Variants in DOP1A observed in about 807,000 individuals in gnomAD.
The protein encoded by DOP1A is DOP1 leucine zipper like protein A, also known as protein DOP1A.
DOP1A carries 90 observed loss-of-function variants against 267.6 expected under a neutral mutation model. The ratio of observed to expected loss-of-function variants is 0.34; its 90% confidence interval spans 0.28 to 0.40. The LOEUF is 0.40. Ranked by LOEUF, DOP1A falls within the 10% of genes least tolerant of loss-of-function variation. DOP1A has a pLI of 1.00. For missense variants in DOP1A, 2,437 were observed against 2,900.4 expected, an observed-to-expected ratio of 0.84 and a Z score of 3.67; for synonymous variants, 932 against 999.1, an observed-to-expected ratio of 0.93 and a Z score of 1.27.
At position 83,125,514 on chromosome 6, in the gene DOP1A, A is replaced by G. The variant is rs1357099316; in HGVS notation, c.1500A>G (p.Glu500=). The change falls in exon 15 of 39, where the codon GAA becomes GAG. Residue 500 remains glutamate, a synonymous_variant. Transcript: ENST00000349129. ...TTTATTTTCAGGAGACTTACATTGA[A>G]ATCCAGACAGAACACTTGCCCCAGT... ...MRVLCQETYI[E]IQTEHLPQLL... is the part of the protein sequence containing the mutation. 2 of 1,613,602 alleles carry G rather than the reference A, an allele frequency of 1.2e-6. No homozygotes were observed. Among genetic ancestry groups the G allele is most frequent in the Admixed American group, 3.3e-5 (2 of 59,984 alleles).
In DOP1A at chr6:83,084,338, G is replaced by A. The variant is rs570660743; in HGVS notation, c.-146-12393G>A. 1.4e-4 allele frequency among the ~76,000 whole-genome samples: 21 copies of A among 151,944 alleles called. No individual in the cohort carries two copies. The East Asian group carries it at 3.1e-3, about 22-fold the overall frequency. On this transcript the variant is annotated intron_variant, in intron 1 of 38. Coordinates refer to ENST00000349129, the MANE Select transcript of DOP1A (RefSeq NM_015018.4). The stretch of plus-strand genomic sequence containing the variant: ...AGGTTATACCATATAGCCAGGATGT[G>A]TAGTAGGGTTTACCATTATGTCTGT...
chr6:83,162,924 C>T lies in DOP1A; in HGVS notation c.7092+5C>T, dbSNP rs375249943. On this transcript the variant is annotated splice_donor_5th_base_variant and intron_variant, in intron 38 of 38. Coordinates refer to ENST00000349129, the MANE Select transcript of DOP1A (RefSeq NM_015018.4). ...CTTCTTCGGAAAAGAGCAAAGGTAT[C>T]GCATTCTTTTGTGATTGTTTTGTTT... 3.3e-5 allele frequency: 53 copies of T among 1,608,760 alleles called. No homozygotes were observed. The highest frequency in any genetic ancestry group is 4.2e-5 in the Non-Finnish European group (49 of 1,177,174).
chr6:83,151,175 T>C (rs370659094), intron 27 of DOP1A, among the ~76,000 whole-genome samples: 1 of 152,218 alleles, frequency 6.6e-6, no homozygotes, highest in Non-Finnish European at 1.5e-5. Flanking sequence ...TTCTTTGATA[T>C]GGGATCTTGC....
chr6:83,118,817 A>AT, intron 7 of DOP1A, 71 bp from the exon 8 acceptor site: 3 of 1,362,796 alleles, frequency 2.2e-6, no homozygotes, highest in Non-Finnish European at 3.1e-6. Flanking sequence ...ATTTCAGGGC[A>AT]TTTTTTAAAG....
chr6:83,106,761 T>C (rs1309623076), intron 4 of DOP1A, among the ~76,000 whole-genome samples: 2 of 150,752 alleles, frequency 1.3e-5, no homozygotes, highest in Non-Finnish European at 3.0e-5. Flanking sequence ...AGTGAGCTGG[T>C]TGCACCACTA....
intron 1 of DOP1A, among the ~76,000 whole-genome samples, chr6:83,082,146 T>C (rs1768200165): frequency 6.6e-6 from 1 of 152,144 alleles, no homozygotes; most frequent in Non-Finnish European, 1.5e-5. Flanking sequence ...AGAACTACCA[T>C]ATGATTCTGT....
Position 83,139,182 on chromosome 6 carries a change from T to C in DOP1A, c.5120+20T>C, listed in dbSNP as rs1355536676. The C allele has an allele frequency of 6.4e-7, 1 of 1,571,918 alleles. No homozygotes were observed. The highest frequency in any genetic ancestry group is 8.7e-7 in the Non-Finnish European group (1 of 1,149,500). ...TAGTAGGTAAGAGGTGATTTTTAAC[T>C]TTATTGGTACTGACATTTTTCACAT... On this transcript the variant is annotated intron_variant, in intron 21 of 38. Coordinates refer to ENST00000349129, the MANE Select transcript of DOP1A (RefSeq NM_015018.4).
chr6:83,114,099 T>G (rs759827968), intron 7 of DOP1A, among the ~76,000 whole-genome samples: 26 of 152,312 alleles, frequency 1.7e-4, no homozygotes, highest in Non-Finnish European at 3.5e-4. Context: ...TAAAAAGGAC[T>G]ATTATTTGAG....
rs781545209 is a variant in DOP1A at position 83,130,402 on chromosome 6, A to T, written c.2616+5A>T. On this transcript the variant is annotated splice_donor_5th_base_variant and intron_variant, in intron 17 of 38. Coordinates refer to ENST00000349129, the MANE Select transcript of DOP1A (RefSeq NM_015018.4). ...GAGAAGACTGAATTTTTCAAGGTAA[A>T]TTCTAAGAAATGCATATATGACTAT... 3 of 1,608,524 alleles carry T rather than the reference A, an allele frequency of 1.9e-6. No individual in the cohort carries two copies. The African/African-American group carries it at 4.0e-5, about 22-fold the overall frequency.
chr6:83,159,226 T>G (rs1358717310), intron 36 of DOP1A, among the ~76,000 whole-genome samples: 1 of 152,186 alleles, frequency 6.6e-6, no homozygotes, highest in Non-Finnish European at 1.5e-5. Context: ...TAAAAAAGTT[T>G]CTCGCTTTTA....
intron 1 of DOP1A, among the ~76,000 whole-genome samples, chr6:83,088,419 C>CTTTT (rs746293399): frequency 2.6e-4 from 30 of 115,568 alleles, no homozygotes; most frequent in African/African-American, 3.5e-4. Flanking sequence ...TGTCTTCCAT[C>CTTTT]TTTTTTTTTT....
intron 23 of DOP1A, 30 bp downstream of exon 23, chr6:83,140,433 C>A (rs779590553): frequency 1.3e-6 from 2 of 1,528,728 alleles, no homozygotes; most frequent in South Asian, 1.2e-5. Context: ...ATCTGTAGAG[C>A]TCAAGAGTCT....
chr6:83,135,561 AAG>A (rs1408753093), intron 19 of DOP1A, 56 bp from the exon 20 acceptor site: 1 of 1,498,242 alleles, frequency 6.7e-7, no homozygotes, highest in Middle Eastern at 1.8e-4. Flanking sequence ...AATTTTATAA[AAG>A]AGTGTGACAA....
intron 3 of DOP1A, 113 bp from the exon 4 acceptor site, chr6:83,100,592 A>G (rs1252966357): frequency 4.4e-6 from 3 of 682,594 alleles, no homozygotes; most frequent in Non-Finnish European, 6.7e-6. Flanking sequence ...AATGTAGCTA[A>G]CAAAACACAA....
chr6:83,078,872 C>G (rs1767595988), intron 1 of DOP1A, among the ~76,000 whole-genome samples: 1 of 152,080 alleles, frequency 6.6e-6, no homozygotes, highest in East Asian at 1.9e-4. Flanking sequence ...AGAATTAACA[C>G]CTCAGCAAAG....
Position 83,145,559 on chromosome 6 carries a change from A to G in DOP1A, c.5577A>G (p.Leu1859=), listed in dbSNP as rs1372292198. Reference sequence around the variant, plus strand: ...CAGCCAGTGAAGAACAGCTTTTATTAGTGGAATTGGTTCGTTCAATCAGTG... The same window carrying G: ...CAGCCAGTGAAGAACAGCTTTTATTGGTGGAATTGGTTCGTTCAATCAGTG... ...IPAASEEQLL[L]VELVRSISVM... The change falls in exon 25 of 39, where the codon TTA becomes TTG. Residue 1859 remains leucine (L), a synonymous_variant. Coordinates refer to ENST00000349129, the MANE Select transcript of DOP1A (RefSeq NM_015018.4). The G allele has an allele frequency of 6.2e-7, 1 of 1,608,920 alleles. No individual in the cohort carries two copies. The highest frequency in any genetic ancestry group is 2.3e-5 in the East Asian group (1 of 44,352).
At chr6:83,118,830 GA>G in intron 7 of DOP1A, 57 bp from the exon 8 acceptor site, 1 of 1,466,904 alleles carries the variant, frequency 6.8e-7, no homozygotes, top group Non-Finnish European at 9.3e-7. Flanking sequence ...TTTTAAAGAG[GA>G]AAAAAATAAT....
At chr6:83,082,203 C>T (rs1339716429) in intron 1 of DOP1A, among the ~76,000 whole-genome samples, 1 of 152,064 alleles carries the variant, frequency 6.6e-6, no homozygotes, top group Non-Finnish European at 1.5e-5. Context: ...ATCAGTATGT[C>T]AAAGAGAGAA....
intron 11 of DOP1A, 33 bp from the exon 12 acceptor site, chr6:83,122,830 T>C: frequency 7.2e-7 from 1 of 1,392,714 alleles, no homozygotes; most frequent in Non-Finnish European, 9.5e-7. Flanking sequence ...TGTTAATATT[T>C]TTTAGTTTTT....
Sources: allele counts gnomAD v4.1 joint callset (sites outside exome capture counted in the v4.1 genomes callset), GRCh38; gene constraint gnomAD v4.1.1; transcripts MANE v1.5; gene names NCBI Gene and HGNC (gene_info 2026-07-23, HGNC 2026-07-21).